Variants in NEK1 observed in about 807,000 individuals in gnomAD.
The protein encoded by NEK1 is serine/threonine-protein kinase Nek1.
In NEK1, 137 loss-of-function variants were observed where a neutral mutation model predicts 182.1. The ratio of observed to expected loss-of-function variants is 0.75; its 90% confidence interval spans 0.65 to 0.87. NEK1 has a LOEUF of 0.87. NEK1 is among the 40% of genes least tolerant of loss of function. The pLI, the probability that NEK1 is intolerant of heterozygous loss-of-function variation, is 0.00. For synonymous variants in NEK1, 513 were observed against 492.2 expected (o/e 1.04, Z -0.56); for missense variants, 1,391 against 1,494.4 (o/e 0.93, Z 1.14).
In NEK1 at chr4:169,555,864, A is replaced by G. The variant is rs746664774; in HGVS notation, c.1431-13T>C. 1.2e-6 allele frequency: 2 copies of G among 1,613,872 alleles called. No homozygotes were observed. Among genetic ancestry groups the G allele is most frequent in the East Asian group, 2.2e-5 (1 of 44,874 alleles). ...AGGCAGAATTCCTCTGTAGATAAAT[A>G]TGCACAGTGACTTTCATTACTATCT... On this transcript the variant is annotated splice_polypyrimidine_tract_variant and intron_variant, in intron 17 of 35. Coordinates refer to ENST00000507142, the MANE Select transcript of NEK1 (RefSeq NM_001199397.3).
chr4:169,599,799 C>T (rs990086031), intron 4 of NEK1, among the ~76,000 whole-genome samples: 2 of 152,106 alleles, frequency 1.3e-5, no homozygotes, highest in Non-Finnish European at 2.9e-5. Flanking sequence ...CTGCCCCATC[C>T]ACCTTTATGT....
At position 169,542,281 on chromosome 4, in the gene NEK1, T is replaced by C. The variant is rs188887642; in HGVS notation, c.1563-4370A>G. Among the ~76,000 whole-genome samples, 110 of 152,216 alleles carry C rather than the reference T, an allele frequency of 7.2e-4. 2 individuals are homozygous for C. Among genetic ancestry groups the C allele is most frequent in the Admixed American group, 5.6e-3 (86 of 15,266 alleles). On this transcript the variant is annotated intron_variant, in intron 18 of 35. Transcript: ENST00000507142. Reference sequence around the variant, plus strand: ...TGTGGTGTTTGGTTGTCTGTTCTTGTGTTAGTTTGCTGAGAATGATGGTTA... The same window carrying C: ...TGTGGTGTTTGGTTGTCTGTTCTTGCGTTAGTTTGCTGAGAATGATGGTTA...
intron 24 of NEK1, among the ~76,000 whole-genome samples, 199 bp from the exon 25 acceptor site, chr4:169,477,696 CAG>C (rs1188994655): frequency 1.3e-5 from 2 of 151,830 alleles, no homozygotes; most frequent in Admixed American, 6.6e-5. Flanking sequence ...ACAACATAGA[CAG>C]GGGCCAATTC....
At chr4:169,606,796 T>C (rs1015107999) in intron 2 of NEK1, among the ~76,000 whole-genome samples, 1 of 152,192 alleles carries the variant, frequency 6.6e-6, no homozygotes, top group Admixed American at 6.5e-5. Context: ...TCACCTCACC[T>C]TCCAAAACAA....
chr4:169,583,266 C>CCAAAA (rs1766975050), intron 10 of NEK1, among the ~76,000 whole-genome samples: 1 of 124,564 alleles, frequency 8.0e-6, no homozygotes, highest in Admixed American at 8.2e-5. Context: ...GACTCCATCT[C>CCAAAA]AAAAAAAAAA....
At chr4:169,394,690 TGAA>T (rs1730406097) in intron 35 of NEK1, among the ~76,000 whole-genome samples, 167 bp from the exon 36 acceptor site, 1 of 152,142 alleles carries the variant, frequency 6.6e-6, no homozygotes, top group Non-Finnish European at 1.5e-5. Flanking sequence ...GACAATACAA[TGAA>T]GAATAAAATG....
chr4:169,611,707 C>T (rs28535010), intron 2 of NEK1, among the ~76,000 whole-genome samples: 26,160 of 152,156 alleles, frequency 0.17, 2,850 homozygotes, highest in South Asian at 0.31. Flanking sequence ...ATATTCGCTT[C>T]CTAATTAAAA....
At chr4:169,511,614 A>C (rs1754199304) in intron 19 of NEK1, among the ~76,000 whole-genome samples, 1 of 152,084 alleles carries the variant, frequency 6.6e-6, no homozygotes, top group South Asian at 2.1e-4. Context: ...GCTACATTAC[A>C]CCATCAAAAC....
chr4:169,490,725 G>A (rs542667752), intron 23 of NEK1, among the ~76,000 whole-genome samples: 2 of 152,002 alleles, frequency 1.3e-5, no homozygotes, highest in Admixed American at 1.3e-4. Flanking sequence ...TCAAGCAGAG[G>A]AAACAATCTG....
At chr4:169,461,824 G>A (rs577574727) in intron 27 of NEK1, among the ~76,000 whole-genome samples, 2 of 152,090 alleles carry the variant, frequency 1.3e-5, no homozygotes, top group African/African-American at 4.8e-5. Flanking sequence ...ATTTTTGTCT[G>A]TCCTCTGAGA....
Position 169,406,641 on chromosome 4 carries a change from A to T in NEK1, c.3329T>A (p.Ile1110Asn). 3.1e-6 allele frequency: 5 copies of T among 1,607,640 alleles called. No individual in the cohort carries two copies. The highest frequency in any genetic ancestry group is 4.2e-6 in the Non-Finnish European group (5 of 1,176,838). Residue 1110 changes from isoleucine to asparagine, a missense_variant, in exon 32 of 36, where the codon ATT becomes AAT. Ile to Asn is a moderately radical substitution (Grantham distance 149, BLOSUM62 -3). Coordinates refer to ENST00000507142, the MANE Select transcript of NEK1 (RefSeq NM_001199397.3). ...VRQDNLEIDE[I>N]EDENIKEGPS... ...TCCTTCTTTAATGTTTTCATCTTCA[A>T]TTTCATCTATTTCAAGATTGTCTTG...
chr4:169,513,155 T>A (rs760359917), intron 19 of NEK1, among the ~76,000 whole-genome samples: 20 of 152,316 alleles, frequency 1.3e-4, no homozygotes, highest in Non-Finnish European at 2.6e-4. Context: ...TAGTAAGAAT[T>A]GCATTATCTC....
intron 23 of NEK1, among the ~76,000 whole-genome samples, chr4:169,484,989 T>C (rs1433573307): frequency 6.6e-6 from 1 of 152,230 alleles, no homozygotes; most frequent in African/African-American, 2.4e-5. Context: ...TGGTTTTAGT[T>C]CCTGATGAAA....
chr4:169,462,588 C>T (rs1437470369), intron 27 of NEK1, among the ~76,000 whole-genome samples: 2 of 151,882 alleles, frequency 1.3e-5, no homozygotes, highest in Admixed American at 1.3e-4. Context: ...TCACTAGAAG[C>T]TTTTTAAGGG....
At chr4:169,504,535 G>A (rs1196001866) in intron 23 of NEK1, among the ~76,000 whole-genome samples, 1 of 152,092 alleles carries the variant, frequency 6.6e-6, no homozygotes, top group East Asian at 1.9e-4. Context: ...AAACACAATG[G>A]AGTACTATTC....
chr4:169,399,414 T>C (rs1731260515), intron 35 of NEK1, among the ~76,000 whole-genome samples: 1 of 151,520 alleles, frequency 6.6e-6, no homozygotes, highest in Non-Finnish European at 1.5e-5. Context: ...CTGTCTCTAC[T>C]AAAAATACAA....
At chr4:169,559,643 T>C (rs1227898749) in intron 16 of NEK1, among the ~76,000 whole-genome samples, 1 of 152,192 alleles carries the variant, frequency 6.6e-6, no homozygotes, top group Non-Finnish European at 1.5e-5. Context: ...TTGATCCAAT[T>C]TGACAAGTAT....
At chr4:169,447,823 C>G (rs1168190388) in intron 27 of NEK1, among the ~76,000 whole-genome samples, 1 of 151,980 alleles carries the variant, frequency 6.6e-6, no homozygotes, top group Non-Finnish European at 1.5e-5. Flanking sequence ...GAGCCGAGAT[C>G]GTGCCACTGC....
chr4:169,508,931 A>G (rs970834801), intron 19 of NEK1, 79 bp from the exon 20 acceptor site: 1 of 1,209,576 alleles, frequency 8.3e-7, no homozygotes, highest in African/African-American at 1.5e-5. Context: ...TCCAGGTGCT[A>G]CTTTATTTCT....
Sources: allele counts gnomAD v4.1 joint callset (sites outside exome capture counted in the v4.1 genomes callset), GRCh38; gene constraint gnomAD v4.1.1; transcripts MANE v1.5; gene names NCBI Gene and HGNC (gene_info 2026-07-23, HGNC 2026-07-21).